Variants in GLG1 observed in about 807,000 individuals in gnomAD.
GLG1 encodes the protein golgi glycoprotein 1.
GLG1 carries 38 observed loss-of-function variants against 160.5 expected under a neutral mutation model. That is an observed-to-expected ratio of 0.24 (90% CI 0.18 to 0.31). GLG1 has a LOEUF of 0.31. GLG1 is among the 10% of genes least tolerant of loss of function. GLG1 has a pLI of 1.00. For missense variants in GLG1, 1,373 were observed against 1,505.2 expected, an observed-to-expected ratio of 0.91 and a Z score of 1.45; for synonymous variants, 644 against 543.4, an observed-to-expected ratio of 1.19 and a Z score of -2.57.
chr16:74,457,114 G>A (rs1441139517), intron 24 of GLG1, among the ~76,000 whole-genome samples: 1 of 152,184 alleles, frequency 6.6e-6, no homozygotes, highest in Non-Finnish European at 1.5e-5. Flanking sequence ...ACGAAAACAG[G>A]CTGGGCATAG....
chr16:74,476,148 C>T (rs1018868496), intron 12 of GLG1, among the ~76,000 whole-genome samples: 3 of 151,768 alleles, frequency 2.0e-5, no homozygotes, highest in African/African-American at 7.3e-5. Context: ...TGCCACTGCA[C>T]TCCAGCATGG....
chr16:74,540,898 G>C (rs2017844548), intron 1 of GLG1, among the ~76,000 whole-genome samples: 1 of 152,204 alleles, frequency 6.6e-6, no homozygotes, highest in Non-Finnish European at 1.5e-5. Context: ...CCTGAATAAA[G>C]TCAGTTACGG....
intron 4 of GLG1, among the ~76,000 whole-genome samples, chr16:74,498,448 G>GCATATATATATATATA: frequency 4.2e-5 from 1 of 24,054 alleles, no homozygotes; most frequent in East Asian, 1.8e-3. Context: ...AAAAAAAAAA[G>GCATATATATATATATA]TATATATATA....
At chr16:74,489,214 TA>T (rs1284121887) in intron 8 of GLG1, among the ~76,000 whole-genome samples, 2 of 152,120 alleles carry the variant, frequency 1.3e-5, no homozygotes, top group Non-Finnish European at 2.9e-5. Flanking sequence ...CTTACACCTG[TA>T]ATCCCAGCAC....
intron 2 of GLG1, among the ~76,000 whole-genome samples, chr16:74,515,966 A>C (rs1201215947): frequency 6.6e-6 from 1 of 151,328 alleles, no homozygotes; most frequent in Non-Finnish European, 1.5e-5. Context: ...GAAAGCCATT[A>C]CATAACGGTA....
At chr16:74,463,522 C>A in intron 19 of GLG1, 43 bp from the exon 20 acceptor site, 3 of 1,595,958 alleles carry the variant, frequency 1.9e-6, no homozygotes, top group Admixed American at 1.7e-5. Context: ...CTAAACATGG[C>A]GATTAACTCC....
rs868688275 is a variant in GLG1, at chr16:74,564,189, G to A, written c.439-32036C>T. The stretch of plus-strand genomic sequence containing the variant: ...CCGCTTCGGCCTTCCAAAATGCTGG[G>A]ATTAACAGGTGTGAGCCATCATACC... On this transcript the variant is annotated intron_variant, in intron 1 of 25. Coordinates refer to ENST00000422840, the MANE Select transcript of GLG1 (RefSeq NM_001145667.2). 4.6e-5 allele frequency among the ~76,000 whole-genome samples: 7 copies of A among 152,312 alleles called. No individual in the cohort carries two copies. The South Asian group carries it at 1.0e-3, about 23-fold the overall frequency.
intron 22 of GLG1, among the ~76,000 whole-genome samples, chr16:74,461,056 A>G (rs956884875): frequency 6.6e-6 from 1 of 152,194 alleles, no homozygotes; most frequent in Non-Finnish European, 1.5e-5. Flanking sequence ...AGCTTTTGTT[A>G]TGAGCTCCTG....
chr16:74,538,654 T>G (rs1032476775), intron 1 of GLG1, among the ~76,000 whole-genome samples: 1 of 152,178 alleles, frequency 6.6e-6, no homozygotes, highest in African/African-American at 2.4e-5. Flanking sequence ...TGTAGCTGCT[T>G]TTATTTAAGT....
At chr16:74,494,411 T>C (rs1221832323) in intron 6 of GLG1, among the ~76,000 whole-genome samples, 2 of 141,528 alleles carry the variant, frequency 1.4e-5, no homozygotes, top group African/African-American at 5.3e-5. Flanking sequence ...AGCTTTTTTT[T>C]TTTTTTTTTT....
chr16:74,469,856 G>A (rs1269014632), intron 16 of GLG1, 129 bp downstream of exon 16: 2 of 685,006 alleles, frequency 2.9e-6, no homozygotes, highest in Non-Finnish European at 5.3e-6. Context: ...CTAATCAAAG[G>A]AGAGATGCGG....
chr16:74,546,306 G>C (rs1310260513), intron 1 of GLG1, among the ~76,000 whole-genome samples: 2 of 152,104 alleles, frequency 1.3e-5, no homozygotes, highest in African/African-American at 4.8e-5. Context: ...AGGTGTGGTG[G>C]CATGTGCCTG....
chr16:74,500,032 T>C lies in GLG1; in HGVS notation c.775-3388A>G, dbSNP rs542143917. Among the ~76,000 whole-genome samples, 11 of 152,148 alleles carry C rather than the reference T, an allele frequency of 7.2e-5. No individual in the cohort carries two copies. In the East Asian group the frequency reaches 1.4e-3, roughly 19 times the overall value. ...ACAACACCAAAATAAAAAAAAACAA[T>C]ACTTCTCTACTAGATGTTTCCATTC... On this transcript the variant is annotated intron_variant, in intron 4 of 25. Transcript: ENST00000422840.
intron 19 of GLG1, among the ~76,000 whole-genome samples, chr16:74,465,041 G>T (rs1254413209): frequency 6.6e-6 from 1 of 152,242 alleles, no homozygotes; most frequent in Non-Finnish European, 1.5e-5. Context: ...GTTTCACCAT[G>T]TTGGCCAGGC....
intron 2 of GLG1, among the ~76,000 whole-genome samples, chr16:74,521,611 G>T (rs1011570415): frequency 6.6e-6 from 1 of 152,044 alleles, no homozygotes; most frequent in Non-Finnish European, 1.5e-5. Flanking sequence ...AAGGTTTAGG[G>T]GCAGAAAAAT....
intron 2 of GLG1, among the ~76,000 whole-genome samples, chr16:74,514,421 A>G (rs1008302274): frequency 2.0e-5 from 3 of 152,254 alleles, no homozygotes; most frequent in Non-Finnish European, 4.4e-5. Context: ...AGGGAAGCCC[A>G]ACAGACTAAC....
At chr16:74,576,029 G>C (rs575204064) in intron 1 of GLG1, among the ~76,000 whole-genome samples, 1 of 151,990 alleles carries the variant, frequency 6.6e-6, no homozygotes, top group Non-Finnish European at 1.5e-5. Context: ...GTGAAACCCT[G>C]TCTCTACTAA....
intron 3 of GLG1, among the ~76,000 whole-genome samples, chr16:74,507,680 G>C (rs1417996789): frequency 1.3e-5 from 2 of 151,954 alleles, no homozygotes; most frequent in East Asian, 3.9e-4. Flanking sequence ...AGGTTGCAGA[G>C]AGCCAAGGTG....
At chr16:74,533,728 C>T (rs2017609959) in intron 1 of GLG1, among the ~76,000 whole-genome samples, 1 of 152,152 alleles carries the variant, frequency 6.6e-6, no homozygotes, top group Admixed American at 6.5e-5. Context: ...TTGCAGTGAT[C>T]TGAGATTGTG....
Sources: allele counts gnomAD v4.1 joint callset (sites outside exome capture counted in the v4.1 genomes callset), GRCh38; gene constraint gnomAD v4.1.1; transcripts MANE v1.5; gene names NCBI Gene and HGNC (gene_info 2026-07-23, HGNC 2026-07-21).